The following KALRN variants were observed in gnomAD, a reference collection of about 807,000 sequenced individuals.
KALRN encodes kalirin RhoGEF kinase.
KALRN carries 70 observed loss-of-function variants against 353.7 expected under a neutral mutation model. The observed-to-expected ratio is 0.20, with a 90% CI of 0.16 to 0.24. The LOEUF is 0.24. KALRN is among the 10% of genes least tolerant of loss of function. The probability of loss-of-function intolerance (pLI) is 1.00; values close to 1 mark genes in which losing one functional copy is unlikely to be tolerated. For synonymous variants in KALRN, 1,391 were observed against 1,434.8 expected, an observed-to-expected ratio of 0.97 and a Z score of 0.69; for missense variants, 2,791 against 3,756.7, an observed-to-expected ratio of 0.74 and a Z score of 6.72.
Position 124,637,270 on chromosome 3 carries a change from C to G in KALRN, c.5631C>G (p.Val1877=). Residue 1877 remains valine, a synonymous_variant, in exon 37 of 60, where the codon GTC becomes GTG. Transcript: ENST00000682506. ...STEVPTAADL[V]NAIEKLVKNK... The stretch of plus-strand genomic sequence containing the variant: ...AAGTACCTACTGCTGCAGACCTTGT[C>G]AATGCAATAGAAAAGTTGGTCAAAA... 6.2e-7 allele frequency: 1 copy of G among 1,614,138 alleles called. No individual in the cohort carries two copies.
At chr3:124,363,469 C>T (rs1239787840) in intron 10 of KALRN, among the ~76,000 whole-genome samples, 1 of 152,196 alleles carries the variant, frequency 6.6e-6, no homozygotes, top group Non-Finnish European at 1.5e-5. Flanking sequence ...GATATCTATT[C>T]CATTTCAGTT....
At chr3:124,558,283 T>G (rs2071528117) in intron 33 of KALRN, among the ~76,000 whole-genome samples, 2 of 152,212 alleles carry the variant, frequency 1.3e-5, no homozygotes, top group South Asian at 2.1e-4. Context: ...CGCCAGAATT[T>G]TTTTTTTTCT....
intron 1 of KALRN, among the ~76,000 whole-genome samples, chr3:124,114,368 G>T (rs193180987): frequency 1.3e-5 from 2 of 152,260 alleles, no homozygotes; most frequent in East Asian, 3.9e-4. Flanking sequence ...CCTGAGGAGA[G>T]GAACCCTGTG....
At chr3:124,627,320 G>A (rs1264112698) in intron 34 of KALRN, among the ~76,000 whole-genome samples, 2 of 152,184 alleles carry the variant, frequency 1.3e-5, no homozygotes, top group Non-Finnish European at 2.9e-5. Flanking sequence ...TGCTTGCATG[G>A]AACAAACTTG....
At chr3:124,681,457 G>T (rs965509229) in intron 51 of KALRN, among the ~76,000 whole-genome samples, 2 of 152,108 alleles carry the variant, frequency 1.3e-5, no homozygotes, top group Non-Finnish European at 2.9e-5. Flanking sequence ...GTTGATGCAT[G>T]TCCGAAAAGT....
chr3:124,450,917 T>A (rs905931915), intron 21 of KALRN, among the ~76,000 whole-genome samples: 62 of 152,196 alleles, frequency 4.1e-4, no homozygotes, highest in African/African-American at 1.4e-3. Context: ...GTTTTGAAAA[T>A]TTTGGTTCTT....
chr3:124,250,683 AAAG>A (rs968304053), intron 3 of KALRN, among the ~76,000 whole-genome samples: 41 of 152,240 alleles, frequency 2.7e-4, no homozygotes, highest in African/African-American at 9.2e-4. Flanking sequence ...GGGGAGCGGG[AAAG>A]AAGGAGAGGG....
chr3:124,623,130 CTCTT>C (rs1370527472), intron 34 of KALRN, among the ~76,000 whole-genome samples: 3 of 142,340 alleles, frequency 2.1e-5, no homozygotes, highest in Non-Finnish European at 3.1e-5. Flanking sequence ...TCTTTTTTGT[CTCTT>C]TCTTTCTTTC....
At chr3:124,171,450 C>T (rs2071811134) in intron 1 of KALRN, among the ~76,000 whole-genome samples, 1 of 152,198 alleles carries the variant, frequency 6.6e-6, no homozygotes, top group Non-Finnish European at 1.5e-5. Context: ...GACTGAGTTT[C>T]TTTACGTGAT....
intron 10 of KALRN, among the ~76,000 whole-genome samples, chr3:124,352,888 T>G (rs1416190232): frequency 2.0e-5 from 3 of 152,070 alleles, no homozygotes; most frequent in Admixed American, 6.5e-5. Context: ...GAGGGAGGGA[T>G]AGCATTAGGA....
At chr3:124,657,366 G>GC in intron 39 of KALRN, 82 bp from the exon 40 acceptor site, 1 of 894,892 alleles carries the variant, frequency 1.1e-6, no homozygotes, top group Non-Finnish European at 1.8e-6. Flanking sequence ...GTGTGGGCTT[G>GC]CAGGGGTGCT....
At chr3:124,387,379 C>T (rs1260815290) in intron 11 of KALRN, among the ~76,000 whole-genome samples, 1 of 152,190 alleles carries the variant, frequency 6.6e-6, no homozygotes, top group Non-Finnish European at 1.5e-5. Flanking sequence ...TAGCACAAAC[C>T]ATGTGCTAGG....
chr3:124,061,553 C>G (rs2041996560), intron 1 of KALRN, among the ~76,000 whole-genome samples: 2 of 152,188 alleles, frequency 1.3e-5, no homozygotes, highest in Non-Finnish European at 2.9e-5. Context: ...CCTCTTGTTT[C>G]ATTCCACATG....
At chr3:124,607,192 A>T (rs2077435357) in intron 34 of KALRN, among the ~76,000 whole-genome samples, 1 of 152,284 alleles carries the variant, frequency 6.6e-6, no homozygotes, top group Non-Finnish European at 1.5e-5. Flanking sequence ...GTATAATTTT[A>T]CAGTGGTGTG....
At position 124,040,643 on chromosome 3, in the gene KALRN, G is replaced by A. The variant is rs144399184; in HGVS notation, c.73+6830G>A. Among the ~76,000 whole-genome samples the A allele has an allele frequency of 2.4e-4, 37 of 152,334 alleles. No individual in the cohort carries two copies. In the East Asian group the frequency reaches 6.7e-3, roughly 28 times the overall value. ...ATAGGTTCAGCACTAACTAGGGATA[G>A]GATCTTGCATTAATTATTTAATATC... On this transcript the variant is annotated intron_variant, in intron 1 of 59. Transcript: ENST00000682506.
At chr3:124,121,093 CAAAAAAAAAA>C (rs35883031) in intron 1 of KALRN, among the ~76,000 whole-genome samples, 1 of 75,114 alleles carries the variant, frequency 1.3e-5, no homozygotes, top group South Asian at 7.1e-4. Flanking sequence ...GACTCCATCT[CAAAAAAAAAA>C]AAAAAAAAAA....
Position 124,033,591 on chromosome 3 carries a change from G to A in KALRN, c.-150G>A, listed in dbSNP as rs558371828. On this transcript the variant is annotated 5_prime_UTR_variant, in exon 1 of 60. Transcript: ENST00000682506. This position sits in a 1 kb window ranked among gnomAD's most constrained non-coding sequence, Gnocchi z 6.2. The stretch of plus-strand genomic sequence containing the variant: ...GCTCAGCGTCCTCTGCCCCAGCCCC[G>A]CCGCCCAACGCCCGCCCTCGAAGCT... 6.6e-6 allele frequency among the ~76,000 whole-genome samples: 1 copy of A among 151,418 alleles called. No homozygotes were observed. The highest frequency in any genetic ancestry group is 1.5e-5 in the Non-Finnish European group (1 of 67,802).
intron 5 of KALRN, among the ~76,000 whole-genome samples, chr3:124,296,856 G>A (rs556754399): frequency 3.5e-4 from 54 of 152,314 alleles, no homozygotes; most frequent in African/African-American, 1.2e-3. Context: ...ATCAAGGTTT[G>A]ACTCAGGTGT....
intron 15 of KALRN, among the ~76,000 whole-genome samples, chr3:124,423,634 G>A (rs2092884449): frequency 6.6e-6 from 1 of 152,154 alleles, no homozygotes; most frequent in South Asian, 2.1e-4. Context: ...CCAACACTTT[G>A]GGAGGCCAAG....
Sources: allele counts gnomAD v4.1 joint callset (sites outside exome capture counted in the v4.1 genomes callset), GRCh38; gene constraint gnomAD v4.1.1; non-coding constraint Gnocchi (gnomAD v3.1); transcripts MANE v1.5; gene names NCBI Gene and HGNC (gene_info 2026-07-23, HGNC 2026-07-21).